Variants in PLCL2 observed in about 807,000 individuals in gnomAD.
PLCL2 encodes inactive phospholipase C-like protein 2.
In PLCL2, 4 loss-of-function variants were observed where a neutral mutation model predicts 79.6. That is an observed-to-expected ratio of 0.05 (90% CI 0.02 to 0.11). The LOEUF (loss-of-function observed/expected upper bound fraction) is 0.11. Among genes scored for constraint, PLCL2 ranks in the 10% least tolerant of loss-of-function variants. The pLI, the probability that PLCL2 is intolerant of heterozygous loss-of-function variation, is 1.00. For synonymous variants in PLCL2, 484 were observed against 457.7 expected (o/e 1.06, Z -0.73); for missense variants, 895 against 1,291.0 (o/e 0.69, Z 4.70).
chr3:16,911,970 A>G (rs1696892585), intron 1 of PLCL2, among the ~76,000 whole-genome samples: 2 of 152,224 alleles, frequency 1.3e-5, no homozygotes, highest in Non-Finnish European at 2.9e-5. Context: ...TATAAGATGT[A>G]TATGAAACAT....
intron 1 of PLCL2, among the ~76,000 whole-genome samples, chr3:16,909,424 C>T (rs545318230): frequency 6.6e-6 from 1 of 152,274 alleles, no homozygotes; most frequent in African/African-American, 2.4e-5. Flanking sequence ...GAGAGTGAAT[C>T]TATTACATTT....
At chr3:16,949,860 G>T (rs574321819) in intron 1 of PLCL2, among the ~76,000 whole-genome samples, 2 of 152,080 alleles carry the variant, frequency 1.3e-5, no homozygotes, top group Non-Finnish European at 2.9e-5. Flanking sequence ...TGTATTTTTT[G>T]CAAATGGACA....
chr3:17,007,166 G>A (rs2064269295), intron 1 of PLCL2, among the ~76,000 whole-genome samples: 1 of 152,026 alleles, frequency 6.6e-6, no homozygotes, highest in African/African-American at 2.4e-5. Flanking sequence ...AAAAACTAAA[G>A]ACATCGGTCA....
Position 17,083,117 on chromosome 3 carries a change from CA to C in PLCL2, c.3205-6614del, listed in dbSNP as rs573563836. The stretch of plus-strand genomic sequence containing the variant: ...TTAGTGGAAGAGACAGACAATAAAC[CA>C]AGCAGTAGAGTATGGCAATAGGTGT... On this transcript the variant is annotated intron_variant, in intron 5 of 5. Coordinates refer to ENST00000615277, the MANE Select transcript of PLCL2 (RefSeq NM_001144382.2). Among the ~76,000 whole-genome samples the C allele has an allele frequency of 2.8e-3, 432 of 152,042 alleles. 3 individuals are homozygous for C. The highest frequency in any genetic ancestry group is 0.01 in the African/African-American group (415 of 41,462).
intron 1 of PLCL2, among the ~76,000 whole-genome samples, chr3:16,947,706 A>T (rs1294200508): frequency 6.6e-6 from 1 of 152,188 alleles, no homozygotes; most frequent in African/African-American, 2.4e-5. Flanking sequence ...TACCTCAGTG[A>T]CTGGCAATAT....
chr3:17,059,287 G>A (rs1360713679), intron 4 of PLCL2, among the ~76,000 whole-genome samples: 1 of 151,072 alleles, frequency 6.6e-6, no homozygotes, highest in Non-Finnish European at 1.5e-5. Context: ...GCTGAGGCAT[G>A]AGAATCACTC....
intron 1 of PLCL2, among the ~76,000 whole-genome samples, chr3:16,957,628 G>T (rs1169310708): frequency 2.0e-5 from 3 of 152,090 alleles, no homozygotes; most frequent in Non-Finnish European, 4.4e-5. Context: ...TGACAGTGGG[G>T]TGTTAAAGTC....
At chr3:16,961,474 T>C (rs1249632214) in intron 1 of PLCL2, among the ~76,000 whole-genome samples, 2 of 151,990 alleles carry the variant, frequency 1.3e-5, no homozygotes, top group Non-Finnish European at 2.9e-5. Context: ...ATGTTTTGTT[T>C]TCAGACAAGG....
At chr3:16,890,146 A>G (rs1231405667) in intron 1 of PLCL2, among the ~76,000 whole-genome samples, 1 of 152,214 alleles carries the variant, frequency 6.6e-6, no homozygotes, top group Non-Finnish European at 1.5e-5. Context: ...GTCACAATTC[A>G]GTTTAGGTTT....
intron 1 of PLCL2, among the ~76,000 whole-genome samples, chr3:16,929,947 C>G (rs986538025): frequency 6.6e-6 from 1 of 152,164 alleles, no homozygotes; most frequent in South Asian, 2.1e-4. Flanking sequence ...TTCTCACAGG[C>G]TCTCAGAGAG....
At chr3:17,003,422 A>G (rs1224699731) in intron 1 of PLCL2, among the ~76,000 whole-genome samples, 1 of 152,180 alleles carries the variant, frequency 6.6e-6, no homozygotes, top group African/African-American at 2.4e-5. Flanking sequence ...GTAGCATACT[A>G]GAGGGTTTAC....
In PLCL2 at chr3:16,885,129, C is replaced by G. The variant is rs1696180561; in HGVS notation, c.90C>G (p.Ala30=). ...PALGAKGALK[A]GVGEGGGGGG... is the part of the protein sequence containing the mutation. Reference sequence around the variant, plus strand: ...TCGGCGCCAAGGGCGCCCTGAAAGCCGGAGTGGGGGAAGGCGGTGGCGGGG... The same window carrying G: ...TCGGCGCCAAGGGCGCCCTGAAAGCGGGAGTGGGGGAAGGCGGTGGCGGGG... The change falls in exon 1 of 6, where the codon GCC becomes GCG. Residue 30 remains alanine, a synonymous_variant. Coordinates refer to ENST00000615277, the MANE Select transcript of PLCL2 (RefSeq NM_001144382.2). The G allele has an allele frequency of 2.1e-6, 1 of 476,456 alleles. No homozygotes were observed. Among genetic ancestry groups the G allele is most frequent in the African/African-American group, 2.0e-5 (1 of 48,980 alleles). The allele number at this position is 476,456 out of a possible 1,614,324, so 29.5% of individuals were successfully genotyped here. A position where few individuals can be genotyped will look rare whatever the true frequency, so the allele number is the denominator to read the frequency against.
chr3:16,897,625 A>G (rs983897779), intron 1 of PLCL2, among the ~76,000 whole-genome samples: 17 of 152,372 alleles, frequency 1.1e-4, no homozygotes, highest in Admixed American at 5.9e-4. Flanking sequence ...GGCACTTGCC[A>G]GACAGGTGTC....
intron 5 of PLCL2, 106 bp from the exon 6 acceptor site, chr3:17,089,627 C>A: frequency 1.4e-6 from 1 of 712,658 alleles, no homozygotes; most frequent in Non-Finnish European, 2.4e-6. Flanking sequence ...ATTATGCCTT[C>A]TTGTGGAATC....
chr3:17,041,875 T>TGGA (rs2064725450), intron 3 of PLCL2, among the ~76,000 whole-genome samples: 1 of 151,996 alleles, frequency 6.6e-6, no homozygotes, highest in Non-Finnish European at 1.5e-5. Flanking sequence ...GCCTAGGAGT[T>TGGA]GGAGAGTGCA....
chr3:16,953,066 A>G (rs1407454429), intron 1 of PLCL2, among the ~76,000 whole-genome samples: 1 of 152,270 alleles, frequency 6.6e-6, no homozygotes, highest in Middle Eastern at 3.4e-3. Context: ...TGCATTATAT[A>G]TAAAAAAGGA....
In PLCL2 at chr3:16,905,449, T is replaced by G. The variant is rs570415848; in HGVS notation, c.327+20083T>G. 4.6e-5 allele frequency among the ~76,000 whole-genome samples: 7 copies of G among 152,366 alleles called. No individual in the cohort carries two copies. In the South Asian group the frequency reaches 1.4e-3, roughly 32 times the overall value. ...CAGCCTTCTAATGGAAATTTTCTTT[T>G]AGTATAAAATGTACTTTCTTTTTTA... On this transcript the variant is annotated intron_variant, in intron 1 of 5. Coordinates refer to ENST00000615277, the MANE Select transcript of PLCL2 (RefSeq NM_001144382.2).
At chr3:17,046,764 G>GA (rs1299815531) in intron 4 of PLCL2, among the ~76,000 whole-genome samples, 2 of 152,240 alleles carry the variant, frequency 1.3e-5, no homozygotes, top group East Asian at 3.9e-4. Flanking sequence ...ACCTCAATCT[G>GA]AAGCTGGTCT....
intron 5 of PLCL2, among the ~76,000 whole-genome samples, chr3:17,071,491 T>C (rs1182994297): frequency 1.3e-5 from 2 of 152,198 alleles, no homozygotes; most frequent in African/African-American, 4.8e-5. Context: ...AAATCTATCT[T>C]TTTTAAAATA....
Sources: allele counts gnomAD v4.1 joint callset (sites outside exome capture counted in the v4.1 genomes callset), GRCh38; gene constraint gnomAD v4.1.1; transcripts MANE v1.5; gene names NCBI Gene and HGNC (gene_info 2026-07-23, HGNC 2026-07-21).